FAM76A: variants seen among roughly 807,000 people sequenced by gnomAD.
FAM76A encodes the protein protein FAM76A.
A neutral mutation model predicts 46.2 loss-of-function variants in FAM76A; 32 were observed. The ratio of observed to expected loss-of-function variants is 0.69; its 90% CI spans 0.52 to 0.93. The LOEUF is 0.93. FAM76A is among the 40% of genes least tolerant of loss of function. The pLI is 0.00. For missense variants in FAM76A, 274 were observed against 361.5 expected (o/e 0.76, Z 1.96); for synonymous variants, 137 against 127.0 (o/e 1.08, Z -0.53).
chr1:27,740,618 C>T (rs2088135418), intron 4 of FAM76A: 1 of 697,242 alleles, frequency 1.4e-6, no homozygotes, highest in Non-Finnish European at 2.4e-6. Flanking sequence ...AAAACATTCT[C>T]TTGATCAGTG....
At chr1:27,747,777 G>A (rs980623049) in intron 5 of FAM76A, among the ~76,000 whole-genome samples, 4 of 152,062 alleles carry the variant, frequency 2.6e-5, no homozygotes, top group Non-Finnish European at 5.9e-5. Context: ...TTAACTGGGT[G>A]TGGTGGCTGG....
intron 7 of FAM76A, among the ~76,000 whole-genome samples, chr1:27,756,635 A>G (rs1437132263): frequency 6.6e-6 from 1 of 151,952 alleles, no homozygotes; most frequent in Non-Finnish European, 1.5e-5. Context: ...CTTCTATCTT[A>G]TATTTCTAAT....
chr1:27,755,223 C>T lies in FAM76A; in HGVS notation c.628C>T (p.Pro210Ser), dbSNP rs1312914979. The change falls in exon 7 of 9, where the codon CCA (proline) becomes TCA (serine). Residue 210 changes from proline to serine, a missense_variant. Transcript: ENST00000373954. ...SFSPDLALDSPGTDHFVIIAQ... is the reference protein window; with the variant it reads ...SFSPDLALDSSGTDHFVIIAQ... ...CTCCCCAGACCTGGCTCTGGACTCA[C>T]CAGGCACTGACCACTTTGTCATCAT... is the stretch of plus-strand genomic sequence containing the variant. 23 of 1,614,038 alleles carry T rather than the reference C, an allele frequency of 1.4e-5. No individual in the cohort carries two copies. The Admixed American group carries it at 1.8e-4, about 13-fold the overall frequency.
intron 3 of FAM76A, among the ~76,000 whole-genome samples, chr1:27,733,267 T>A (rs1304725243): frequency 2.6e-5 from 4 of 152,180 alleles, no homozygotes; most frequent in Non-Finnish European, 5.9e-5. Context: ...CTTTGTTTGG[T>A]AACAGTTGAC....
At chr1:27,739,775 G>T (rs1401318005) in intron 4 of FAM76A, among the ~76,000 whole-genome samples, 1 of 152,174 alleles carries the variant, frequency 6.6e-6, no homozygotes, top group Non-Finnish European at 1.5e-5. Context: ...GCGAGATTGT[G>T]AGACCCTGTC....
In FAM76A at chr1:27,755,192, T is replaced by A; in HGVS notation, c.600-3T>A. The A allele has an allele frequency of 1.2e-6, 2 of 1,613,240 alleles. No individual in the cohort carries two copies. The highest frequency in any genetic ancestry group is 1.7e-6 in the Non-Finnish European group (2 of 1,179,760). ...AATATTTTCCCCTGATTTTTAAATT[T>A]AGCTTCTCCCCAGACCTGGCTCTGG... On this transcript the variant is annotated splice_region_variant and splice_polypyrimidine_tract_variant and intron_variant, in intron 6 of 8. Coordinates refer to ENST00000373954, the MANE Select transcript of FAM76A (RefSeq NM_152660.3).
chr1:27,754,445 T>A (rs151172980), intron 6 of FAM76A, among the ~76,000 whole-genome samples: 1 of 152,296 alleles, frequency 6.6e-6, no homozygotes, highest in African/African-American at 2.4e-5. Flanking sequence ...TAAAAGGACA[T>A]GGAGTCCATC....
chr1:27,752,671 G>A (rs1185309799), intron 6 of FAM76A, among the ~76,000 whole-genome samples: 2 of 152,140 alleles, frequency 1.3e-5, no homozygotes, highest in Non-Finnish European at 1.5e-5. Flanking sequence ...CCAATATGTA[G>A]GGTTATAGAG....
intron 4 of FAM76A, chr1:27,739,152 A>G: frequency 5.4e-6 from 2 of 369,572 alleles, no homozygotes; most frequent in Non-Finnish European, 1.0e-5. Context: ...CCACAATGAC[A>G]AGACCATTTT....
chr1:27,737,425 G>C (rs764832623), intron 4 of FAM76A, among the ~76,000 whole-genome samples: 2 of 152,128 alleles, frequency 1.3e-5, no homozygotes, highest in Non-Finnish European at 2.9e-5. Context: ...TTAAAATTAT[G>C]CCTTAAATGC....
intron 6 of FAM76A, among the ~76,000 whole-genome samples, chr1:27,752,268 T>A (rs2088344099): frequency 6.6e-6 from 1 of 152,226 alleles, no homozygotes; most frequent in Non-Finnish European, 1.5e-5. Flanking sequence ...CTATTTTTTT[T>A]AGACAGAACA....
At chr1:27,760,055 G>A (rs964967213) in intron 8 of FAM76A, 8 of 454,490 alleles carry the variant, frequency 1.8e-5, no homozygotes, top group South Asian at 6.3e-5. Flanking sequence ...TTACAGGCGT[G>A]AGCCACCATG....
chr1:27,728,451 C>T (rs925643677), intron 2 of FAM76A, among the ~76,000 whole-genome samples: 13 of 152,068 alleles, frequency 8.5e-5, no homozygotes, highest in Non-Finnish European at 1.5e-4. Flanking sequence ...CTCCCGGGCC[C>T]AAGTGATCCT....
At chr1:27,757,078 G>A (rs2088420740) in intron 7 of FAM76A, among the ~76,000 whole-genome samples, 2 of 149,350 alleles carry the variant, frequency 1.3e-5, no homozygotes, top group African/African-American at 4.9e-5. Context: ...AAACAAAAAA[G>A]AATATCTCAT....
At chr1:27,754,835 T>C (rs961908101) in intron 6 of FAM76A, among the ~76,000 whole-genome samples, 1 of 152,226 alleles carries the variant, frequency 6.6e-6, no homozygotes, top group African/African-American at 2.4e-5. Flanking sequence ...CTAAGGAATT[T>C]ATCTAATCAC....
chr1:27,747,751 AC>A (rs1301351177), intron 5 of FAM76A, among the ~76,000 whole-genome samples: 2 of 151,932 alleles, frequency 1.3e-5, no homozygotes, highest in Non-Finnish European at 2.9e-5. Flanking sequence ...ACCCGTCTCT[AC>A]CAAAAAATAC....
chr1:27,755,084 A>G, intron 6 of FAM76A, 111 bp from the exon 7 acceptor site: 1 of 1,201,442 alleles, frequency 8.3e-7, no homozygotes, highest in Non-Finnish European at 1.2e-6. Flanking sequence ...GCTTGATGCT[A>G]GGATTCCTGC....
chr1:27,744,860 T>C, intron 5 of FAM76A, 49 bp downstream of exon 5: 6 of 1,567,716 alleles, frequency 3.8e-6, no homozygotes, highest in Non-Finnish European at 5.2e-6. Context: ...GTAGGTCAGA[T>C]GTAATGCTCA....
chr1:27,746,487 C>T (rs2088242410), intron 5 of FAM76A, among the ~76,000 whole-genome samples: 1 of 152,078 alleles, frequency 6.6e-6, no homozygotes, highest in Admixed American at 6.6e-5. Context: ...CTTTGGGAGG[C>T]CAAGGCGGGC....
Sources: gnomAD v4.1 joint callset for allele counts (sites outside exome capture counted in the v4.1 genomes callset) on GRCh38, gnomAD v4.1.1 for gene constraint, MANE v1.5 for transcripts, NCBI Gene and HGNC (gene_info 2026-07-23, HGNC 2026-07-21) for gene names.